NPAS3: variants seen among roughly 807,000 people sequenced by gnomAD.
NPAS3 encodes the protein neuronal PAS domain-containing protein 3.
NPAS3 carries 14 observed loss-of-function variants against 73.1 expected under a neutral mutation model. The ratio of observed to expected loss-of-function variants is 0.19; its 90% CI spans 0.13 to 0.30. The LOEUF is 0.30. Among genes scored for constraint, NPAS3 ranks in the 10% least tolerant of loss-of-function variants. NPAS3 has a pLI of 1.00. For missense variants in NPAS3, 1,096 were observed against 1,250.0 expected (o/e 0.88, Z 1.86); for synonymous variants, 620 against 541.5 (o/e 1.14, Z -2.01).
At chr14:33,316,842 A>T (rs376761936) in intron 3 of NPAS3, among the ~76,000 whole-genome samples, 15 of 152,250 alleles carry the variant, frequency 9.9e-5, no homozygotes, top group East Asian at 9.7e-4. Flanking sequence ...CCAGAATGGC[A>T]GGTATTAACT....
chr14:33,742,332 AT>A, intron 7 of NPAS3, among the ~76,000 whole-genome samples: 1 of 152,334 alleles, frequency 6.6e-6, no homozygotes, highest in East Asian at 1.9e-4. Context: ...ATACAGGCAT[AT>A]CTTGGAGATA....
At chr14:33,034,058 A>G (rs1226098166) in intron 1 of NPAS3, among the ~76,000 whole-genome samples, 1 of 152,178 alleles carries the variant, frequency 6.6e-6, no homozygotes, top group Non-Finnish European at 1.5e-5. Flanking sequence ...GCTTTTAATC[A>G]CTGCATTTTT....
intron 5 of NPAS3, among the ~76,000 whole-genome samples, chr14:33,645,545 T>C (rs529485152): frequency 5.8e-4 from 89 of 152,368 alleles, no homozygotes; most frequent in African/African-American, 2.1e-3. Flanking sequence ...ACAGATTAAG[T>C]ATCTGCATAA....
intron 5 of NPAS3, among the ~76,000 whole-genome samples, chr14:33,568,453 T>A (rs1426223662): frequency 6.6e-6 from 1 of 152,172 alleles, no homozygotes; most frequent in African/African-American, 2.4e-5. Context: ...ATAATTTCTG[T>A]CCATAATGCG....
At chr14:33,648,804 C>T (rs944447652) in intron 5 of NPAS3, among the ~76,000 whole-genome samples, 1 of 152,178 alleles carries the variant, frequency 6.6e-6, no homozygotes, top group Non-Finnish European at 1.5e-5. Flanking sequence ...CCATCATCAC[C>T]AGTGAAGCCC....
chr14:33,197,828 G>C (rs1332063944), intron 2 of NPAS3, among the ~76,000 whole-genome samples: 1 of 152,206 alleles, frequency 6.6e-6, no homozygotes. Context: ...CAACTGCTGT[G>C]TCCCACATTG....
At chr14:33,286,903 AT>A (rs2041899909) in intron 3 of NPAS3, among the ~76,000 whole-genome samples, 1 of 152,152 alleles carries the variant, frequency 6.6e-6, no homozygotes, top group Non-Finnish European at 1.5e-5. Context: ...AGCAGCCGTG[AT>A]TTCCTTAAAA....
chr14:33,216,680 A>G (rs1273118428), intron 3 of NPAS3, among the ~76,000 whole-genome samples: 1 of 152,214 alleles, frequency 6.6e-6, no homozygotes, highest in Non-Finnish European at 1.5e-5. Flanking sequence ...CAATATGTAA[A>G]CAAAACAGCG....
At chr14:33,627,641 G>T (rs1048292883) in intron 5 of NPAS3, among the ~76,000 whole-genome samples, 4 of 152,162 alleles carry the variant, frequency 2.6e-5, no homozygotes, top group Admixed American at 6.5e-5. Flanking sequence ...ACATAACTTT[G>T]CACAGTTTCC....
chr14:33,341,807 TAAG>T (rs1164583773), intron 3 of NPAS3, among the ~76,000 whole-genome samples: 1 of 152,200 alleles, frequency 6.6e-6, no homozygotes, highest in Non-Finnish European at 1.5e-5. Flanking sequence ...CCATAAAAGG[TAAG>T]AAATAATTTT....
chr14:33,240,580 C>A (rs1048855129), intron 3 of NPAS3, among the ~76,000 whole-genome samples: 1 of 151,720 alleles, frequency 6.6e-6, no homozygotes, highest in South Asian at 2.1e-4. Flanking sequence ...CTGGTTAGTA[C>A]TCTTCTTTAA....
At chr14:33,283,058 T>A (rs1385964289) in intron 3 of NPAS3, among the ~76,000 whole-genome samples, 2 of 152,186 alleles carry the variant, frequency 1.3e-5, no homozygotes, top group African/African-American at 4.8e-5. Flanking sequence ...CCACAGTCTA[T>A]TATGAGCACA....
chr14:33,703,377 C>G (rs2060573917), intron 6 of NPAS3, among the ~76,000 whole-genome samples: 1 of 151,972 alleles, frequency 6.6e-6, no homozygotes, highest in South Asian at 2.1e-4. Flanking sequence ...ACCTATAGTC[C>G]CAGACACTTG....
intron 5 of NPAS3, among the ~76,000 whole-genome samples, chr14:33,636,339 T>C (rs951007424): frequency 6.6e-6 from 1 of 152,236 alleles, no homozygotes; most frequent in Non-Finnish European, 1.5e-5. Flanking sequence ...AGTGTCAGCA[T>C]TAAAGGCTCA....
chr14:33,666,885 A>C (rs923446162), intron 5 of NPAS3, among the ~76,000 whole-genome samples: 1 of 152,090 alleles, frequency 6.6e-6, no homozygotes, highest in Non-Finnish European at 1.5e-5. Flanking sequence ...TTACTATCTT[A>C]TACCTCTTCC....
intron 3 of NPAS3, among the ~76,000 whole-genome samples, chr14:33,225,407 G>T (rs2047592277): frequency 6.6e-6 from 1 of 152,116 alleles, no homozygotes; most frequent in Non-Finnish European, 1.5e-5. Context: ...TGCCTAAAAG[G>T]CAAGGTTAGA....
intron 2 of NPAS3, among the ~76,000 whole-genome samples, chr14:33,112,982 T>C (rs558390313): frequency 9.2e-5 from 14 of 152,324 alleles, no homozygotes; most frequent in Non-Finnish European, 1.5e-4. Context: ...GTTGTAGATA[T>C]GCGGCATTAT....
At chr14:33,198,846 G>T (rs571261657) in intron 2 of NPAS3, among the ~76,000 whole-genome samples, 1 of 152,316 alleles carries the variant, frequency 6.6e-6, no homozygotes, top group South Asian at 2.1e-4. Context: ...GGGAGCTTGG[G>T]CATGGCAGGC....
intron 9 of NPAS3, among the ~76,000 whole-genome samples, chr14:33,790,833 T>G (rs1258062783): frequency 6.6e-6 from 1 of 152,140 alleles, no homozygotes; most frequent in South Asian, 2.1e-4. Flanking sequence ...CACACCTGGC[T>G]CATTTTTGGA....
Sources: gnomAD v4.1 joint callset for allele counts (sites outside exome capture counted in the v4.1 genomes callset) on GRCh38, gnomAD v4.1.1 for gene constraint, MANE v1.5 for transcripts, NCBI Gene and HGNC (gene_info 2026-07-23, HGNC 2026-07-21) for gene names.